The following BOC variants were observed in gnomAD, a reference collection of about 807,000 sequenced individuals.
BOC encodes the protein brother of CDO.
Under a neutral mutation model 112.0 loss-of-function variants are expected in BOC, and 76 were observed. The observed-to-expected ratio is 0.68, with a 90% CI of 0.56 to 0.82. BOC has a LOEUF of 0.82. Ranked by LOEUF, BOC falls within the 40% of genes least tolerant of loss-of-function variation. The pLI, the probability that BOC is intolerant of heterozygous loss-of-function variation, is 0.00. For missense variants in BOC, 1,309 were observed against 1,511.7 expected (o/e 0.87, Z 2.22); for synonymous variants, 580 against 599.8 (o/e 0.97, Z 0.48).
At position 113,279,344 on chromosome 3, in the gene BOC, C is replaced by T. The variant is rs1181617638; in HGVS notation, c.1912C>T (p.Gln638Ter). Residue 638 changes from glutamine (Q) to a stop codon, truncating the protein, a stop_gained, in exon 12 of 20, where the codon CAG becomes TAG. Coordinates refer to ENST00000682979, the MANE Select transcript of BOC (RefSeq NM_001378074.1). LOFTEE classifies it high-confidence loss of function. ...IPRGNGGFPIQSFRVEYKKLK... is the reference protein window; with the variant it reads ...IPRGNGGFPI ...CCGTGGGAATGGTGGGTTCCCAATC[C>T]AGTCCTTCCGTGTGGAGTACAAGAA... The T allele has an allele frequency of 3.1e-6, 5 of 1,614,206 alleles. No homozygotes were observed. The highest frequency in any genetic ancestry group is 4.2e-6 in the Non-Finnish European group (5 of 1,180,038).
rs751347007 is a variant in BOC, at chr3:113,278,184, C to G, written c.1632C>G (p.Ser544Arg). ...CCCTCACCAGACTTGACCCCGGGAGCTTGTATGAAGTGGAGATGGCAGCTT... is the reference window on the plus strand; with the variant it reads ...CCCTCACCAGACTTGACCCCGGGAGGTTGTATGAAGTGGAGATGGCAGCTT... ...RLTLTRLDPG[S>R]LYEVEMAAYN... Residue 544 changes from serine to arginine, a missense_variant, in exon 10 of 20, where the codon AGC becomes AGG. Physicochemically the swap from Ser to Arg is moderately radical, Grantham distance 110 (BLOSUM62 -1). Coordinates refer to ENST00000682979, the MANE Select transcript of BOC (RefSeq NM_001378074.1). This position sits in a 1 kb window ranked among gnomAD's most constrained non-coding sequence, Gnocchi z 4.2. 6.2e-7 allele frequency: 1 copy of G among 1,614,244 alleles called. No individual in the cohort carries two copies. The highest frequency in any genetic ancestry group is 1.1e-5 in the South Asian group (1 of 91,086).
intron 4 of BOC, among the ~76,000 whole-genome samples, chr3:113,264,032 G>A (rs773312626): frequency 6.6e-6 from 1 of 152,190 alleles, no homozygotes; most frequent in Non-Finnish European, 1.5e-5. Context: ...CAGAGTGTAC[G>A]TATTCCCTTT....
Position 113,278,675 on chromosome 3 carries a change from CG to C in BOC, c.1710del (p.Arg571GlyfsTer55). On this transcript the variant is annotated frameshift_variant, in exon 11 of 20. Coordinates refer to ENST00000682979, the MANE Select transcript of BOC (RefSeq NM_001378074.1). LOFTEE classifies it high-confidence loss of function. The surrounding 1 kb of genome is among the most constrained non-coding windows in gnomAD (Gnocchi z 4.2). The part of the protein sequence containing the change: ...QTAMVTFRTG[R>X]RPKPEIMASK... ...GACTACAACCCATTTCCACCCAGGACGGCGGCCCAAACCCGAGATCATGGCC... is the reference window on the plus strand; with the variant it reads ...GACTACAACCCATTTCCACCCAGGACGCGGCCCAAACCCGAGATCATGGCC... The C allele has an allele frequency of 6.4e-7, 1 of 1,559,192 alleles. No homozygotes were observed. Among genetic ancestry groups the C allele is most frequent in the Non-Finnish European group, 8.7e-7 (1 of 1,151,056 alleles).
chr3:113,274,474 A>T lies in BOC; in HGVS notation c.1334A>T (p.Gln445Leu). 6.2e-7 allele frequency: 1 copy of T among 1,611,510 alleles called. No individual in the cohort carries two copies. Among genetic ancestry groups the T allele is most frequent in the Non-Finnish European group, 8.5e-7 (1 of 1,178,362 alleles). The change falls in exon 9 of 20, where the codon CAA becomes CTA. Residue 445 changes from glutamine (Q) to leucine (L), a missense_variant. Physicochemically the swap from Gln to Leu is moderately radical, Grantham distance 113. Coordinates refer to ENST00000682979, the MANE Select transcript of BOC (RefSeq NM_001378074.1). The surrounding 1 kb of genome is among the most constrained non-coding windows in gnomAD (Gnocchi z 4.8). ...AACCCTGAGCAGATGCTGAGGGGGC[A>T]ACCGGCGCTCCCCAGACCCCCAACG... ...LGNPEQMLRG[Q>L]PALPRPPTSV...
At chr3:113,253,529 G>A (rs1403116471) in intron 4 of BOC, among the ~76,000 whole-genome samples, 1 of 151,714 alleles carries the variant, frequency 6.6e-6, no homozygotes, top group African/African-American at 2.4e-5. Context: ...TCTTACAAAT[G>A]AGATGTGGCT....
chr3:113,259,925 C>T (rs1345597125), intron 4 of BOC, among the ~76,000 whole-genome samples: 2 of 152,232 alleles, frequency 1.3e-5, no homozygotes, highest in East Asian at 1.9e-4. Flanking sequence ...TCTCCGTCCT[C>T]AGAAAGTTCC....
intron 6 of BOC, 176 bp downstream of exon 6, chr3:113,271,120 C>T (rs750458621): frequency 2.3e-5 from 21 of 911,752 alleles, no homozygotes; most frequent in Middle Eastern, 4.1e-4. Flanking sequence ...CCCCTCTGGC[C>T]GGCCTCAGGG....
intron 2 of BOC, 102 bp from the exon 3 acceptor site, chr3:113,249,620 G>A: frequency 1.9e-6 from 1 of 523,870 alleles, no homozygotes; most frequent in South Asian, 2.8e-5. Flanking sequence ...TTTGAATGTT[G>A]CCAACAGGGA....
chr3:113,246,008 G>A (rs1009229244), intron 2 of BOC, among the ~76,000 whole-genome samples: 2 of 152,184 alleles, frequency 1.3e-5, no homozygotes, highest in Admixed American at 1.3e-4. Context: ...GATGATGATC[G>A]ACTCTCAGTT....
At chr3:113,284,722 G>C (rs1949510666) in intron 17 of BOC, 60 bp from the exon 18 acceptor site, 1 of 1,550,986 alleles carries the variant, frequency 6.4e-7, no homozygotes, top group Admixed American at 1.7e-5. Context: ...GTTGAGTGAA[G>C]ACTGGAAAGT....
In BOC at chr3:113,283,432, C is replaced by T. The variant is rs751817973; in HGVS notation, c.2456C>T (p.Pro819Leu). The T allele has an allele frequency of 1.9e-6, 3 of 1,607,640 alleles. No individual in the cohort carries two copies. The highest frequency in any genetic ancestry group is 4.5e-5 in the East Asian group (2 of 44,630). The change falls in exon 16 of 20, where the codon CCT (proline) becomes CTT (leucine). Residue 819 changes from proline (P) to leucine (L), a missense_variant. By Grantham distance (98) the Pro-to-Leu change is moderately conservative (BLOSUM62 -3). Transcript: ENST00000682979. ...ACAGCTCGGAAGTCTTCTGGCCAGC[C>T]TGGTCGACTGCCACCCCCAACTCTG... is the stretch of plus-strand genomic sequence containing the variant. ...ETKARKSSGQ[P>L]GRLPPPTLAP...
chr3:113,239,859 A>G (rs962231780), intron 2 of BOC, among the ~76,000 whole-genome samples: 1 of 152,186 alleles, frequency 6.6e-6, no homozygotes, highest in African/African-American at 2.4e-5. Context: ...GCTGGGTCAC[A>G]GTAACCTAGA....
At chr3:113,239,396 G>A (rs529503311) in intron 2 of BOC, among the ~76,000 whole-genome samples, 2 of 152,202 alleles carry the variant, frequency 1.3e-5, no homozygotes, top group Admixed American at 6.5e-5. Context: ...AAATCTTTTC[G>A]TGGCTTTAGG....
chr3:113,224,464 A>G (rs1941306657), intron 2 of BOC, among the ~76,000 whole-genome samples: 1 of 149,196 alleles, frequency 6.7e-6, no homozygotes, highest in Non-Finnish European at 1.5e-5. Context: ...AGGACAGGTG[A>G]TGATGGTGGA....
chr3:113,230,051 A>G (rs1451942941), intron 2 of BOC, among the ~76,000 whole-genome samples: 1 of 152,230 alleles, frequency 6.6e-6, no homozygotes, highest in Non-Finnish European at 1.5e-5. Context: ...CTGTGCAGTC[A>G]GAATTGGGAG....
chr3:113,279,172 C>T, intron 11 of BOC, 77 bp from the exon 12 acceptor site: 1 of 1,461,200 alleles, frequency 6.8e-7, no homozygotes, highest in Non-Finnish European at 9.4e-7. Flanking sequence ...AGTGGGCATA[C>T]AGCGTCATCT....
At position 113,270,820 on chromosome 3, in the gene BOC, C is replaced by G. The variant is rs1327461159; in HGVS notation, c.543C>G (p.Pro181=). 6.2e-7 allele frequency: 1 copy of G among 1,613,202 alleles called. No homozygotes were observed. Among genetic ancestry groups the G allele is most frequent in the East Asian group, 2.2e-5 (1 of 44,884 alleles). ...EASRGNYLIM[P]SGNLQIVNAS... is the part of the protein sequence containing the mutation. Reference sequence around the variant, plus strand: ...CCACAGGTAACTACCTGATCATGCCCTCAGGGAACCTCCAGATTGTGAATG... The same window carrying G: ...CCACAGGTAACTACCTGATCATGCCGTCAGGGAACCTCCAGATTGTGAATG... The change falls in exon 6 of 20, where the codon CCC becomes CCG. Residue 181 remains proline (P), a synonymous_variant. Coordinates refer to ENST00000682979, the MANE Select transcript of BOC (RefSeq NM_001378074.1).
At position 113,250,638 on chromosome 3, in the gene BOC, C is replaced by G. The variant is rs1166574448; in HGVS notation, c.181C>G (p.Pro61Ala). Reference protein sequence around the residue: ...GTVILGCVVEPPRMNVTWRLN... With the variant: ...GTVILGCVVEAPRMNVTWRLN... The stretch of plus-strand genomic sequence containing the variant: ...TGTGATCTTGGGCTGCGTGGTGGAA[C>G]CTCCAAGGATGAATGTAACCTGGCG... Residue 61 changes from proline (P) to alanine (A), a missense_variant, in exon 4 of 20, where the codon CCT becomes GCT. Pro to Ala is a conservative substitution (Grantham distance 27). Coordinates refer to ENST00000682979, the MANE Select transcript of BOC (RefSeq NM_001378074.1). The G allele has an allele frequency of 6.2e-6, 10 of 1,614,108 alleles. No homozygotes were observed. Among genetic ancestry groups the G allele is most frequent in the African/African-American group, 1.3e-5 (1 of 74,928 alleles).
At position 113,233,185 on chromosome 3, in the gene BOC, G is replaced by GTGTGTGTC. The variant is rs1553725842; in HGVS notation, c.-81-16530_-81-16529insCTGTGTGT. ...TGTGTGTGTGTGTGTGTGTGTGTGT[G>GTGTGTGTC]TGTGTGTGTGTCGGGGGTTGGAGCT... On this transcript the variant is annotated intron_variant, in intron 2 of 19. Transcript: ENST00000682979. 3.3e-5 allele frequency among the ~76,000 whole-genome samples: 5 copies of GTGTGTGTC among 151,638 alleles called. No homozygotes were observed. The East Asian group carries it at 9.7e-4, about 29-fold the overall frequency.
Sources: gnomAD v4.1 joint callset for allele counts (sites outside exome capture counted in the v4.1 genomes callset) on GRCh38, gnomAD v4.1.1 for gene constraint, Gnocchi (gnomAD v3.1) non-coding constraint, MANE v1.5 for transcripts, NCBI Gene and HGNC (gene_info 2026-07-23, HGNC 2026-07-21) for gene names.